Variants in FAM227B observed in about 807,000 individuals in gnomAD.
FAM227B encodes the protein family with sequence similarity 227 member B, also known as protein FAM227B.
A neutral mutation model predicts 73.8 loss-of-function variants in FAM227B; 88 were observed. The observed-to-expected ratio is 1.19, with a 90% CI of 1.00 to 1.42. The LOEUF is 1.42. FAM227B is among the 40% of genes most tolerant of loss of function. FAM227B has a pLI of 0.00. For synonymous variants in FAM227B, 210 were observed against 190.5 expected (o/e 1.10, Z -0.84); for missense variants, 632 against 590.9 (o/e 1.07, Z -0.72).
At chr15:49,357,691 C>A (rs1026746466) in intron 13 of FAM227B, among the ~76,000 whole-genome samples, 30 of 151,840 alleles carry the variant, frequency 2.0e-4, no homozygotes, top group Admixed American at 6.6e-4. Flanking sequence ...CCTTCTGAAA[C>A]TATTCCAATC....
chr15:49,419,776 T>A (rs1055046967), intron 11 of FAM227B, among the ~76,000 whole-genome samples: 25 of 151,226 alleles, frequency 1.7e-4, no homozygotes, highest in Non-Finnish European at 2.8e-4. Flanking sequence ...ATTATTATTA[T>A]TTTTTTATTT....
chr15:49,480,542 C>T (rs546014042), intron 11 of FAM227B, among the ~76,000 whole-genome samples: 3 of 135,766 alleles, frequency 2.2e-5, no homozygotes, highest in South Asian at 4.6e-4. Context: ...AGGGCAGTGG[C>T]GCCATTTTGG....
intron 13 of FAM227B, among the ~76,000 whole-genome samples, chr15:49,347,910 T>G (rs575315035): frequency 2.7e-5 from 4 of 150,564 alleles, no homozygotes; most frequent in African/African-American, 9.8e-5. Context: ...TCCCAGCTAC[T>G]CGGGAGGCTG....
intron 9 of FAM227B, among the ~76,000 whole-genome samples, chr15:49,558,841 A>G (rs566336815): frequency 6.6e-6 from 1 of 152,028 alleles, no homozygotes; most frequent in Non-Finnish European, 1.5e-5. Context: ...GCACTGGACC[A>G]CTTCCCCAGG....
chr15:49,421,944 TTGGCATA>T (rs1237629104), intron 11 of FAM227B, among the ~76,000 whole-genome samples: 1 of 152,190 alleles, frequency 6.6e-6, no homozygotes, highest in Non-Finnish European at 1.5e-5. Context: ...CATTCAACAT[TTGGCATA>T]TGAAGAGTAA....
intron 1 of FAM227B, among the ~76,000 whole-genome samples, chr15:49,616,223 TA>T (rs1263462901): frequency 1.3e-5 from 2 of 152,172 alleles, no homozygotes; most frequent in Non-Finnish European, 2.9e-5. Context: ...CAATTAAGGT[TA>T]AAAGAGACTA....
chr15:49,373,132 A>G (rs2045951799), intron 11 of FAM227B, among the ~76,000 whole-genome samples: 1 of 152,012 alleles, frequency 6.6e-6, no homozygotes, highest in African/African-American at 2.4e-5. Context: ...AACCAGTATC[A>G]TTAAAAAAAT....
At chr15:49,595,884 A>G (rs573016865) in intron 3 of FAM227B, among the ~76,000 whole-genome samples, 56 of 152,152 alleles carry the variant, frequency 3.7e-4, no homozygotes, top group Non-Finnish European at 7.5e-4. Context: ...AAAATCAAGA[A>G]GGCTTTTAAA....
intron 5 of FAM227B, among the ~76,000 whole-genome samples, chr15:49,578,198 C>T (rs2075584723): frequency 6.6e-6 from 1 of 152,162 alleles, no homozygotes; most frequent in Non-Finnish European, 1.5e-5. Context: ...CCAACTTGAG[C>T]TGTCACTGGA....
intron 9 of FAM227B, among the ~76,000 whole-genome samples, chr15:49,551,389 T>G (rs1026742681): frequency 6.6e-6 from 1 of 152,248 alleles, no homozygotes; most frequent in East Asian, 1.9e-4. Context: ...TTTCTGTATT[T>G]AAGTCTATTT....
chr15:49,353,185 ATT>A, intron 13 of FAM227B, among the ~76,000 whole-genome samples: 1 of 152,164 alleles, frequency 6.6e-6, no homozygotes, highest in Non-Finnish European at 1.5e-5. Context: ...GGGACTTGAA[ATT>A]TATTTAGTCC....
intron 10 of FAM227B, among the ~76,000 whole-genome samples, chr15:49,533,497 T>C (rs868550538): frequency 6.6e-6 from 1 of 151,900 alleles, no homozygotes; most frequent in African/African-American, 2.4e-5. Context: ...TATTGCTTTG[T>C]AGTCTACTTC....
chr15:49,331,030 C>T (rs1209776610), intron 15 of FAM227B: 1 of 152,162 alleles, frequency 6.6e-6, no homozygotes, highest in African/African-American at 2.4e-5. Flanking sequence ...TATACAACAC[C>T]CAGGTGTTTC....
chr15:49,327,774 C>A lies in FAM227B; in HGVS notation c.*794G>T. 1 of 523,200 alleles carries A rather than the reference C, an allele frequency of 1.9e-6. No homozygotes were observed. Among genetic ancestry groups the A allele is most frequent in the Admixed American group, 3.7e-5 (1 of 27,390 alleles). 32.4% of individuals were successfully genotyped at this position (523,200 alleles called of 1,614,324 possible). A position where few individuals can be genotyped will look rare whatever the true frequency, so the allele number is the denominator to read the frequency against. On this transcript the variant is annotated 3_prime_UTR_variant, in exon 16 of 16. Coordinates refer to ENST00000299338, the MANE Select transcript of FAM227B (RefSeq NM_152647.3). ...AGATTTAGATACAATGAAAAAATTC[C>A]AAATCACTCTCTGAAACAGTATAAA...
At chr15:49,510,041 A>G (rs191733648) in intron 10 of FAM227B, among the ~76,000 whole-genome samples, 11 of 152,172 alleles carry the variant, frequency 7.2e-5, no homozygotes, top group African/African-American at 2.4e-4. Flanking sequence ...AGAAACAACT[A>G]TCTTTATCTG....
At chr15:49,464,626 T>G (rs960897769) in intron 11 of FAM227B, among the ~76,000 whole-genome samples, 2 of 152,170 alleles carry the variant, frequency 1.3e-5, no homozygotes, top group Non-Finnish European at 2.9e-5. Flanking sequence ...TGAATAATGA[T>G]TTTCTTGCAA....
At position 49,366,220 on chromosome 15, in the gene FAM227B, G is replaced by A. The variant is rs747053851; in HGVS notation, c.1271+1228C>T. The A allele has an allele frequency of 2.3e-5, 18 of 790,236 alleles. 1 individual carries two copies. The highest frequency in any genetic ancestry group is 1.1e-4 in the South Asian group (8 of 74,698). The allele number at this position is 790,236 out of a possible 1,614,324, so 49.0% of individuals were successfully genotyped here. A position where few individuals can be genotyped will look rare whatever the true frequency, so the allele number is the denominator to read the frequency against. On this transcript the variant is annotated intron_variant, in intron 13 of 15. Coordinates refer to ENST00000299338, the MANE Select transcript of FAM227B (RefSeq NM_152647.3). ...ATGGAGAACACATTTTCACAGTAATGTTATTTCCTAGAGTCTGCTTCATAT... is the reference window on the plus strand; with the variant it reads ...ATGGAGAACACATTTTCACAGTAATATTATTTCCTAGAGTCTGCTTCATAT...
At chr15:49,565,505 A>G (rs2074585547) in intron 9 of FAM227B, among the ~76,000 whole-genome samples, 1 of 152,100 alleles carries the variant, frequency 6.6e-6, no homozygotes. Context: ...AAAACACAAT[A>G]TTTTTATATT....
intron 14 of FAM227B, among the ~76,000 whole-genome samples, chr15:49,332,158 A>C (rs1305657935): frequency 2.0e-5 from 3 of 151,014 alleles, no homozygotes; most frequent in Non-Finnish European, 4.4e-5. Flanking sequence ...GACAGTCTGA[A>C]CCCAAGCACT....
Sources: allele counts gnomAD v4.1 joint callset (sites outside exome capture counted in the v4.1 genomes callset), GRCh38; gene constraint gnomAD v4.1.1; transcripts MANE v1.5; gene names NCBI Gene and HGNC (gene_info 2026-07-23, HGNC 2026-07-21).